FBN2: variants seen among roughly 807,000 people sequenced by gnomAD.
FBN2 encodes fibrillin-2.
FBN2 carries 105 observed loss-of-function variants against 355.6 expected under a neutral mutation model. The ratio of observed to expected loss-of-function variants is 0.30; its 90% CI spans 0.25 to 0.35. The LOEUF is 0.35. Ranked by LOEUF, FBN2 falls within the 10% of genes least tolerant of loss-of-function variation. The pLI is 1.00. For synonymous variants in FBN2, 1,350 were observed against 1,301.2 expected, an observed-to-expected ratio of 1.04 and a Z score of -0.81; for missense variants, 3,280 against 3,758.7, an observed-to-expected ratio of 0.87 and a Z score of 3.33.
chr5:128,511,421 A>G (rs1756124552), intron 5 of FBN2, among the ~76,000 whole-genome samples: 1 of 152,208 alleles, frequency 6.6e-6, no homozygotes, highest in Non-Finnish European at 1.5e-5. Flanking sequence ...TGTGTATTAC[A>G]ACCACACGAA....
intron 42 of FBN2, 107 bp downstream of exon 42, chr5:128,307,028 C>A: frequency 1.3e-6 from 1 of 776,840 alleles, no homozygotes; most frequent in Admixed American, 1.9e-5. Context: ...AGATTGGATC[C>A]CAGATTATTA....
At chr5:128,363,344 C>T (rs1376263847) in intron 18 of FBN2, among the ~76,000 whole-genome samples, 1 of 152,094 alleles carries the variant, frequency 6.6e-6, no homozygotes, top group Non-Finnish European at 1.5e-5. Context: ...CACGTGCCAC[C>T]ATGCCCAGCT....
At chr5:128,492,628 C>A (rs1201274296) in intron 5 of FBN2, among the ~76,000 whole-genome samples, 1 of 151,810 alleles carries the variant, frequency 6.6e-6, no homozygotes, top group East Asian at 1.9e-4. Context: ...CATGGCTAGA[C>A]CCTGTCTCTA....
chr5:128,348,547 T>G (rs1036319472), intron 23 of FBN2, among the ~76,000 whole-genome samples: 4 of 152,088 alleles, frequency 2.6e-5, no homozygotes, highest in Non-Finnish European at 2.9e-5. Context: ...ATCACTGATA[T>G]GTAAATACTT....
chr5:128,462,180 C>T (rs1754575860), intron 6 of FBN2, among the ~76,000 whole-genome samples: 1 of 152,068 alleles, frequency 6.6e-6, no homozygotes, highest in South Asian at 2.1e-4. Context: ...TAGTGTTAAG[C>T]TATTTACAGT....
intron 31 of FBN2, 31 bp from the exon 32 acceptor site, chr5:128,333,065 C>A (rs551044670): frequency 3.2e-6 from 5 of 1,586,254 alleles, no homozygotes; most frequent in East Asian, 2.2e-5. Context: ...AGAAGAAAAT[C>A]AAAATACAAA....
chr5:128,374,764 G>T lies in FBN2; in HGVS notation c.1973-14C>A, dbSNP rs1480702718. 1.2e-6 allele frequency: 2 copies of T among 1,613,722 alleles called. No individual in the cohort carries two copies. Among genetic ancestry groups the T allele is most frequent in the Non-Finnish European group, 1.7e-6 (2 of 1,179,794 alleles). ...ATTCATCAACATCTGTGCAGTGGGTGACAGAAGCCAAGCAGTTACTGGGTA... is the reference window on the plus strand; with the variant it reads ...ATTCATCAACATCTGTGCAGTGGGTTACAGAAGCCAAGCAGTTACTGGGTA... On this transcript the variant is annotated splice_polypyrimidine_tract_variant and intron_variant, in intron 14 of 64. Transcript: ENST00000262464.
At chr5:128,391,165 T>C (rs894182801) in intron 11 of FBN2, among the ~76,000 whole-genome samples, 3 of 152,196 alleles carry the variant, frequency 2.0e-5, no homozygotes, top group African/African-American at 4.8e-5. Flanking sequence ...ACTTTAAGAA[T>C]TACTCCTTGT....
At position 128,441,315 on chromosome 5, in the gene FBN2, G is replaced by A. The variant is rs551915666; in HGVS notation, c.952+5166C>T. On this transcript the variant is annotated intron_variant, in intron 7 of 64. Transcript: ENST00000262464. Reference sequence around the variant, plus strand: ...AACTGCTGTCTCCATGAGTTTCCCCGTCAGTGCAGTCCCAGGCTGGGATGT... The same window carrying A: ...AACTGCTGTCTCCATGAGTTTCCCCATCAGTGCAGTCCCAGGCTGGGATGT... 5.3e-5 allele frequency among the ~76,000 whole-genome samples: 8 copies of A among 152,266 alleles called. No homozygotes were observed. The South Asian group carries it at 1.2e-3, about 24-fold the overall frequency.
chr5:128,308,970 T>C (rs1053830182), intron 41 of FBN2, among the ~76,000 whole-genome samples: 7 of 152,206 alleles, frequency 4.6e-5, no homozygotes, highest in Non-Finnish European at 8.8e-5. Context: ...AAGCACAGTT[T>C]AAGATAATGA....
intron 5 of FBN2, among the ~76,000 whole-genome samples, chr5:128,508,353 T>A (rs1280092025): frequency 1.3e-5 from 2 of 152,006 alleles, no homozygotes; most frequent in Non-Finnish European, 2.9e-5. Flanking sequence ...TACCTTCTTT[T>A]GTTGCTTTCT....
Position 128,334,736 on chromosome 5 carries a change from C to T in FBN2, c.4082G>A (p.Gly1361Glu), listed in dbSNP as rs866146861. The T allele has an allele frequency of 1.2e-6, 2 of 1,614,122 alleles. No individual in the cohort carries two copies. The highest frequency in any genetic ancestry group is 1.3e-5 in the African/African-American group (1 of 75,032). ...HCQLGYSVKK[G>E]TTGCTDVDEC... The stretch of plus-strand genomic sequence containing the variant: ...AAACCTACCTGTACATCCTGTGGTC[C>T]CCTTCTTCACTGAGTAACCCAGCTG... The change falls in exon 31 of 65, where the codon GGG (glycine) becomes GAG (glutamate). Residue 1361 changes from glycine to glutamate, a missense_variant. Gly to Glu is a moderately conservative substitution (Grantham distance 98). Around this residue, in one of 6 missense-constraint regions of FBN2, gnomAD observed 2,284 missense variants for 2,749.5 expected, o/e 0.83. Transcript: ENST00000262464.
In FBN2 at chr5:128,435,599, T is replaced by C. The variant is rs1011164312; in HGVS notation, c.952+10882A>G. Among the ~76,000 whole-genome samples the C allele has an allele frequency of 1.1e-4, 16 of 152,276 alleles. No individual in the cohort carries two copies. The East Asian group carries it at 2.7e-3, about 26-fold the overall frequency. ...TTTTCTTGAGATGACACAATTCATA[T>C]GGGGTGCAGCAGGAGCACAGATGGA... On this transcript the variant is annotated intron_variant, in intron 7 of 64. Coordinates refer to ENST00000262464, the MANE Select transcript of FBN2 (RefSeq NM_001999.4).
At chr5:128,500,460 T>TTTTTTTC (rs1561487039) in intron 5 of FBN2, among the ~76,000 whole-genome samples, 1 of 112,100 alleles carries the variant, frequency 8.9e-6, no homozygotes, top group South Asian at 3.0e-4. Flanking sequence ...TTTTTTTTTT[T>TTTTTTTC]CAGACAGGGT....
chr5:128,470,869 A>G (rs141491345), intron 5 of FBN2, among the ~76,000 whole-genome samples: 74 of 152,332 alleles, frequency 4.9e-4, no homozygotes, highest in African/African-American at 1.8e-3. Flanking sequence ...AGCTTCCCAC[A>G]TACTTTAATG....
chr5:128,524,152 C>T (rs1246291244), intron 4 of FBN2, among the ~76,000 whole-genome samples: 11 of 152,106 alleles, frequency 7.2e-5, no homozygotes, highest in East Asian at 1.9e-4. Context: ...ATGGATCTTA[C>T]GGTTTCCAAA....
At chr5:128,486,063 T>C (rs771012903) in intron 5 of FBN2, among the ~76,000 whole-genome samples, 11 of 151,924 alleles carry the variant, frequency 7.2e-5, no homozygotes, top group Non-Finnish European at 1.3e-4. Context: ...TGCAAAAAAA[T>C]CAGACATATC....
intron 6 of FBN2, among the ~76,000 whole-genome samples, chr5:128,458,109 A>C (rs1396979076): frequency 1.3e-5 from 2 of 152,144 alleles, no homozygotes; most frequent in Non-Finnish European, 2.9e-5. Context: ...GCTCAAAATA[A>C]AGGGATGGAG....
At chr5:128,523,790 TCCA>T (rs1431742580) in intron 4 of FBN2, among the ~76,000 whole-genome samples, 1 of 151,414 alleles carries the variant, frequency 6.6e-6, no homozygotes, top group Non-Finnish European at 1.5e-5. Flanking sequence ...TTTTTTTTTA[TCCA>T]CCACGCCTGG....
Sources: allele counts gnomAD v4.1 joint callset (sites outside exome capture counted in the v4.1 genomes callset), GRCh38; gene constraint gnomAD v4.1.1; regional missense constraint gnomAD v4.1.1; transcripts MANE v1.5; gene names NCBI Gene and HGNC (gene_info 2026-07-23, HGNC 2026-07-21).